The following LOC728392 variants were observed in gnomAD, a reference collection of about 807,000 sequenced individuals.
chr17:5,500,506 G>C, the LOC728392 span: 8 of 1,187,968 alleles, frequency 6.7e-6, no homozygotes, highest in Non-Finnish European at 8.5e-6. This position sits in a 1 kb window ranked among gnomAD's most constrained non-coding sequence, Gnocchi z 5.4. Flanking sequence ...TGAAGGGGGT[G>C]CAGCGCTGTT....
At chr17:5,499,849 C>A in the LOC728392 span, 1 of 985,944 alleles carries the variant, frequency 1.0e-6, no homozygotes, top group East Asian at 1.1e-4. Flanking sequence ...GGGTCTGCAG[C>A]CACAGGTCCC....
chr17:5,500,723 C>T, the LOC728392 span: 1 of 1,245,290 alleles, frequency 8.0e-7, no homozygotes, highest in Admixed American at 3.0e-5. This position sits in a 1 kb window ranked among gnomAD's most constrained non-coding sequence, Gnocchi z 5.4. Context: ...GTGGAGGCGC[C>T]TCCTTCTTGG....
the LOC728392 span, chr17:5,499,812 C>A: frequency 1.7e-5 from 17 of 985,898 alleles, no homozygotes; most frequent in Middle Eastern, 5.2e-4. Context: ...CTCAGGAGTG[C>A]GCCAGCTCTG....
chr17:5,500,800 G>A, the LOC728392 span: 2 of 1,155,052 alleles, frequency 1.7e-6, no homozygotes, highest in South Asian at 1.7e-5. The surrounding 1 kb of genome is among the most constrained non-coding windows in gnomAD (Gnocchi z 5.4). Context: ...CCGCCCGCGC[G>A]CCGACCAGCC....
chr17:5,500,619 T>C, the LOC728392 span: 39 of 1,264,506 alleles, frequency 3.1e-5, no homozygotes, highest in South Asian at 5.1e-4. The surrounding 1 kb of genome is among the most constrained non-coding windows in gnomAD (Gnocchi z 5.4). Flanking sequence ...TAAATGGATA[T>C]AGGTAAAGAT....
chr17:5,500,403 C>A, the LOC728392 span: 1 of 1,103,110 alleles, frequency 9.1e-7, no homozygotes, highest in Non-Finnish European at 1.1e-6. The surrounding 1 kb of genome is among the most constrained non-coding windows in gnomAD (Gnocchi z 5.4). Context: ...AACAGCACCC[C>A]TATTTCATTG....
chr17:5,499,929 C>A, the LOC728392 span: 8 of 985,854 alleles, frequency 8.1e-6, no homozygotes, highest in Non-Finnish European at 9.6e-6. Flanking sequence ...GTCTCGACTC[C>A]TCCGGGCAGC....
At chr17:5,500,739 G>A in the LOC728392 span, 3 of 1,238,790 alleles carry the variant, frequency 2.4e-6, no homozygotes, top group Non-Finnish European at 3.1e-6. This position sits in a 1 kb window ranked among gnomAD's most constrained non-coding sequence, Gnocchi z 5.4. Flanking sequence ...CTTGGGCGGG[G>A]GGCGCGATGC....
chr17:5,500,623 T>C, the LOC728392 span: 1 of 1,267,288 alleles, frequency 7.9e-7, no homozygotes, highest in South Asian at 1.3e-5. This position sits in a 1 kb window ranked among gnomAD's most constrained non-coding sequence, Gnocchi z 5.4. Flanking sequence ...TGGATATAGG[T>C]AAAGATGCAG....
At chr17:5,500,689 G>A in the LOC728392 span, 2 of 1,271,358 alleles carry the variant, frequency 1.6e-6, no homozygotes, top group Admixed American at 2.6e-5. This position sits in a 1 kb window ranked among gnomAD's most constrained non-coding sequence, Gnocchi z 5.4. Flanking sequence ...TGCGGAAAAT[G>A]GTCGAGATAG....
chr17:5,500,894 C>T, the LOC728392 span: 2 of 1,259,818 alleles, frequency 1.6e-6, no homozygotes, highest in Non-Finnish European at 2.1e-6. This position sits in a 1 kb window ranked among gnomAD's most constrained non-coding sequence, Gnocchi z 5.4. Context: ...GGCCTTCGGA[C>T]TCGGGGTCCG....
At chr17:5,500,894 C>A in the LOC728392 span, 4 of 1,259,818 alleles carry the variant, frequency 3.2e-6, no homozygotes, top group Non-Finnish European at 4.1e-6. The surrounding 1 kb of genome is among the most constrained non-coding windows in gnomAD (Gnocchi z 5.4). Context: ...GGCCTTCGGA[C>A]TCGGGGTCCG....
At chr17:5,499,850 C>T in the LOC728392 span, 57 of 985,950 alleles carry the variant, frequency 5.8e-5, no homozygotes, top group Non-Finnish European at 6.9e-5. Flanking sequence ...GGTCTGCAGC[C>T]ACAGGTCCCG....
chr17:5,499,563 C>T, the LOC728392 span: 1 of 157,872 alleles, frequency 6.3e-6, no homozygotes. Flanking sequence ...CAGAGATGGC[C>T]GGTGGGTAAA....
the LOC728392 span, chr17:5,500,504 G>A: frequency 1.7e-6 from 2 of 1,185,102 alleles, no homozygotes; most frequent in African/African-American, 3.4e-5. The surrounding 1 kb of genome is among the most constrained non-coding windows in gnomAD (Gnocchi z 5.4). Flanking sequence ...CATGAAGGGG[G>A]TGCAGCGCTG....
At chr17:5,500,419 A>C in the LOC728392 span, 1 of 1,106,776 alleles carries the variant, frequency 9.0e-7, no homozygotes, top group Non-Finnish European at 1.1e-6. The surrounding 1 kb of genome is among the most constrained non-coding windows in gnomAD (Gnocchi z 5.4). Flanking sequence ...CATTGCCGGC[A>C]GCTACTTTGT....
the LOC728392 span, chr17:5,500,822 G>T: frequency 8.5e-7 from 1 of 1,177,822 alleles, no homozygotes. The surrounding 1 kb of genome is among the most constrained non-coding windows in gnomAD (Gnocchi z 5.4). Context: ...TCTTGCCCGC[G>T]GCCGACGCCG....
chr17:5,500,752 C>T, the LOC728392 span: 1 of 1,225,756 alleles, frequency 8.2e-7, no homozygotes, highest in South Asian at 1.4e-5. This position sits in a 1 kb window ranked among gnomAD's most constrained non-coding sequence, Gnocchi z 5.4. Context: ...CGCGATGCGG[C>T]CTTCGGGGGC....
At chr17:5,500,692 CGA>C in the LOC728392 span, 5 of 1,270,748 alleles carry the variant, frequency 3.9e-6, no homozygotes, top group South Asian at 1.3e-5. The surrounding 1 kb of genome is among the most constrained non-coding windows in gnomAD (Gnocchi z 5.4). Flanking sequence ...GGAAAATGGT[CGA>C]GATAGCAGCC....
Sources: allele counts gnomAD v4.1 joint callset, GRCh38; gene constraint gnomAD v4.1.1; non-coding constraint Gnocchi (gnomAD v3.1); transcripts MANE v1.5.